Variants in EML1 observed in about 807,000 individuals in gnomAD.
EML1 encodes echinoderm microtubule-associated protein-like 1.
Under a neutral mutation model 110.4 loss-of-function variants are expected in EML1, and 27 were observed. The ratio of observed to expected loss-of-function variants is 0.24; its 90% confidence interval spans 0.18 to 0.34. The LOEUF is 0.34. EML1 is among the 10% of genes least tolerant of loss of function. EML1 has a pLI of 1.00. For synonymous variants in EML1, 344 were observed against 385.8 expected, an observed-to-expected ratio of 0.89 and a Z score of 1.27; for missense variants, 741 against 1,030.9, an observed-to-expected ratio of 0.72 and a Z score of 3.85.
chr14:99,828,034 A>G (rs2058389866), intron 1 of EML1, among the ~76,000 whole-genome samples: 1 of 152,164 alleles, frequency 6.6e-6, no homozygotes. Context: ...CATTTCATAG[A>G]TGTTTGAGAG....
chr14:99,882,284 A>T (rs1415151150), intron 4 of EML1, among the ~76,000 whole-genome samples: 2 of 152,234 alleles, frequency 1.3e-5, no homozygotes, highest in African/African-American at 2.4e-5. Flanking sequence ...TTTCAATTAA[A>T]AAAGTATTTT....
chr14:99,938,073 C>T (rs1319925974), intron 20 of EML1, among the ~76,000 whole-genome samples, 161 bp downstream of exon 20: 8 of 152,072 alleles, frequency 5.3e-5, no homozygotes, highest in African/African-American at 1.9e-4. Flanking sequence ...TGGGGTAGGG[C>T]CTGGGCTTGC....
chr14:99,770,778 G>GCTTTT (rs1198007774), upstream of EML1, among the ~76,000 whole-genome samples: 1 of 79,544 alleles, frequency 1.3e-5, no homozygotes, highest in Non-Finnish European at 2.5e-5. Flanking sequence ...AGTTTCCGCT[G>GCTTTT]ATTTTTTTTT....
intron 1 of EML1, among the ~76,000 whole-genome samples, chr14:99,774,190 C>T (rs1313935340): frequency 1.3e-5 from 2 of 152,114 alleles, no homozygotes; most frequent in African/African-American, 4.8e-5. Flanking sequence ...TGACAGAGAG[C>T]TCCAAGCAAA....
intron 2 of EML1, among the ~76,000 whole-genome samples, chr14:99,856,490 ATTAAC>A (rs1441220462): frequency 6.6e-6 from 1 of 152,236 alleles, no homozygotes; most frequent in Non-Finnish European, 1.5e-5. Context: ...TTAATGAATA[ATTAAC>A]TTAGTTCTTT....
chr14:99,837,318 C>A (rs887115776), intron 1 of EML1, among the ~76,000 whole-genome samples: 5 of 152,154 alleles, frequency 3.3e-5, no homozygotes, highest in African/African-American at 1.2e-4. Flanking sequence ...CTTTTGTTTA[C>A]CATCTTTCAT....
At chr14:99,885,275 A>G (rs73360335) in intron 4 of EML1, among the ~76,000 whole-genome samples, 4,709 of 152,274 alleles carry the variant, frequency 0.031, 230 homozygotes, top group African/African-American at 0.11. Flanking sequence ...GTTTACAGAA[A>G]CCTTCATGGT....
intron 4 of EML1, among the ~76,000 whole-genome samples, chr14:99,886,692 C>T (rs1237783867): frequency 5.3e-5 from 8 of 152,220 alleles, no homozygotes; most frequent in Non-Finnish European, 8.8e-5. Flanking sequence ...CATGTCACCA[C>T]GTGTCGAAGA....
rs546189644 is a variant in EML1 at position 99,912,936 on chromosome 14, T to C, written c.1495-1243T>C. On this transcript the variant is annotated intron_variant, in intron 13 of 21. Coordinates refer to ENST00000262233, the MANE Select transcript of EML1 (RefSeq NM_004434.3). Reference sequence around the variant, plus strand: ...AATGTGTGAGGGGAGGCTGCTTCTTTCCTGGAACGGGAGAGCCTAACAGCA... The same window carrying C: ...AATGTGTGAGGGGAGGCTGCTTCTTCCCTGGAACGGGAGAGCCTAACAGCA... Among the ~76,000 whole-genome samples the C allele has an allele frequency of 4.6e-5, 7 of 152,362 alleles. No homozygotes were observed. The South Asian group carries it at 1.2e-3, about 27-fold the overall frequency.
chr14:99,748,976 A>G (rs1228213923), intron 1 of EML1, among the ~76,000 whole-genome samples: 1 of 152,182 alleles, frequency 6.6e-6, no homozygotes, highest in Admixed American at 6.5e-5. Flanking sequence ...TTCGTGTTGG[A>G]GCCTGTATCC....
chr14:99,792,263 A>G (rs758845224), upstream of EML1, among the ~76,000 whole-genome samples: 1 of 152,188 alleles, frequency 6.6e-6, no homozygotes, highest in Non-Finnish European at 1.5e-5. Context: ...CACCTACTCT[A>G]TTCAACCTGC....
intron 17 of EML1, among the ~76,000 whole-genome samples, chr14:99,932,630 G>C: frequency 7.2e-6 from 1 of 139,370 alleles, no homozygotes; most frequent in Admixed American, 7.4e-5. Context: ...CTGGGCAACA[G>C]AGCAAGACTC....
At chr14:99,859,070 T>C (rs764690604) in intron 2 of EML1, among the ~76,000 whole-genome samples, 28 of 152,238 alleles carry the variant, frequency 1.8e-4, no homozygotes, top group Non-Finnish European at 4.0e-4. Flanking sequence ...CTAGATTTAT[T>C]CATATCAACT....
At chr14:99,762,633 A>C (rs1323647793) in intron 1 of EML1, among the ~76,000 whole-genome samples, 1 of 152,122 alleles carries the variant, frequency 6.6e-6, no homozygotes, top group Non-Finnish European at 1.5e-5. Context: ...CCCTTTCCGT[A>C]CAAAAAATTT....
At chr14:99,920,952 A>G in intron 17 of EML1, 75 bp downstream of exon 17, 1 of 1,421,464 alleles carries the variant, frequency 7.0e-7, no homozygotes, top group Non-Finnish European at 9.7e-7. Context: ...CATGTGCAGG[A>G]TGTGTCGGTT....
At chr14:99,898,357 T>C in intron 8 of EML1, 55 bp downstream of exon 8, 1 of 1,539,012 alleles carries the variant, frequency 6.5e-7, no homozygotes, top group Non-Finnish European at 8.9e-7. Context: ...ACAAAGTAAT[T>C]TTTAGAAAAC....
rs139856422 is a variant in EML1, at chr14:99,939,251, A to G, written c.2246A>G (p.His749Arg). ...GTDINAVCRAHEKKLLSTGDD... is the reference protein window; with the variant it reads ...GTDINAVCRAREKKLLSTGDD... ...GACATCAATGCCGTCTGTCGGGCCC[A>G]TGAGAAGAAACTCCTGTCAACAGGC... The change falls in exon 21 of 22, where the codon CAT (histidine) becomes CGT (arginine). Residue 749 changes from histidine (H) to arginine (R), a missense_variant. Physicochemically the swap from His to Arg is conservative, Grantham distance 29. Transcript: ENST00000262233. The surrounding 1 kb of genome is among the most constrained non-coding windows in gnomAD (Gnocchi z 4.2). The G allele has an allele frequency of 5.4e-4, 871 of 1,614,192 alleles. 1 individual carries two copies. Among genetic ancestry groups the G allele is most frequent in the South Asian group, 3.6e-3 (329 of 91,082 alleles).
chr14:99,777,667 G>A (rs552761706), intron 1 of EML1, among the ~76,000 whole-genome samples: 17 of 152,226 alleles, frequency 1.1e-4, no homozygotes, highest in African/African-American at 2.4e-4. Context: ...CAATCCGCCC[G>A]CCTCAGCCTC....
At chr14:99,797,820 T>G (rs2057802837) in intron 1 of EML1, among the ~76,000 whole-genome samples, 1 of 152,146 alleles carries the variant, frequency 6.6e-6, no homozygotes. Context: ...TTCTTCAAAG[T>G]AAAGGTTACC....
Sources: gnomAD v4.1 joint callset for allele counts (sites outside exome capture counted in the v4.1 genomes callset) on GRCh38, gnomAD v4.1.1 for gene constraint, Gnocchi (gnomAD v3.1) non-coding constraint, MANE v1.5 for transcripts, NCBI Gene and HGNC (gene_info 2026-07-23, HGNC 2026-07-21) for gene names.